OSBPL8: variants seen among roughly 807,000 people sequenced by gnomAD.
OSBPL8 encodes the protein oxysterol-binding protein-related protein 8.
In OSBPL8, 59 loss-of-function variants were observed where a neutral mutation model predicts 125.5. That is an observed-to-expected ratio of 0.47 (90% CI 0.38 to 0.58). The LOEUF is 0.58. OSBPL8 is among the 20% of genes least tolerant of loss of function. OSBPL8 has a pLI of 0.00. For missense variants in OSBPL8, 758 were observed against 1,047.8 expected (o/e 0.72, Z 3.82); for synonymous variants, 330 against 338.9 (o/e 0.97, Z 0.29).
chr12:76,506,693 A>G (rs1033292453), intron 1 of OSBPL8, among the ~76,000 whole-genome samples: 1 of 152,240 alleles, frequency 6.6e-6, no homozygotes, highest in Non-Finnish European at 1.5e-5. Flanking sequence ...TAAATGCCCT[A>G]AATTCCACAC....
intron 4 of OSBPL8, among the ~76,000 whole-genome samples, chr12:76,440,226 G>A (rs1431835921): frequency 6.6e-6 from 1 of 152,018 alleles, no homozygotes; most frequent in East Asian, 1.9e-4. Flanking sequence ...TCCAACTGAT[G>A]CAGACTTTAT....
intron 4 of OSBPL8, among the ~76,000 whole-genome samples, chr12:76,436,803 G>A (rs1871514444): frequency 6.6e-6 from 1 of 151,992 alleles, no homozygotes; most frequent in Non-Finnish European, 1.5e-5. Flanking sequence ...TATAACACAT[G>A]TGTATTATAA....
At chr12:76,558,266 G>C (rs1951169462) in intron 1 of OSBPL8, among the ~76,000 whole-genome samples, 1 of 152,106 alleles carries the variant, frequency 6.6e-6, no homozygotes, top group Non-Finnish European at 1.5e-5. Context: ...CTGCAAAACA[G>C]GTTCTAGCAA....
At chr12:76,473,486 A>G (rs1274349323) in intron 2 of OSBPL8, among the ~76,000 whole-genome samples, 2 of 152,128 alleles carry the variant, frequency 1.3e-5, no homozygotes, top group African/African-American at 4.8e-5. Context: ...TTAGATGCAC[A>G]TTGAAATCAA....
intron 2 of OSBPL8, among the ~76,000 whole-genome samples, chr12:76,473,094 G>A (rs527483332): frequency 1.7e-4 from 26 of 152,252 alleles, no homozygotes; most frequent in African/African-American, 6.0e-4. Flanking sequence ...GGGCATAACA[G>A]AAGGCTCACA....
chr12:76,388,304 T>C (rs1953404658), intron 12 of OSBPL8, among the ~76,000 whole-genome samples: 1 of 152,234 alleles, frequency 6.6e-6, no homozygotes, highest in African/African-American at 2.4e-5. Context: ...GATGAATGCA[T>C]CTATACTTTT....
chr12:76,502,390 G>A (rs928350320), intron 1 of OSBPL8, among the ~76,000 whole-genome samples: 4 of 152,146 alleles, frequency 2.6e-5, no homozygotes, highest in Non-Finnish European at 5.9e-5. Flanking sequence ...CACTGAACTC[G>A]AAGTTAAGAC....
chr12:76,410,666 T>C, intron 4 of OSBPL8, 32 bp from the exon 5 acceptor site: 1 of 1,414,886 alleles, frequency 7.1e-7, no homozygotes, highest in Non-Finnish European at 1.0e-6. Context: ...TCAGTATTAC[T>C]ACTTTTGAAC....
rs563940012 is a variant in OSBPL8, at chr12:76,549,224, TG to T, written c.-68+10172del. ...TTATTAAAGACAGAGAAGAGTTTCCTGGAATTGGAAAAATAATCTGATTCAG... is the reference window on the plus strand; with the variant it reads ...TTATTAAAGACAGAGAAGAGTTTCCTGAATTGGAAAAATAATCTGATTCAG... On this transcript the variant is annotated intron_variant, in intron 1 of 23. Transcript: ENST00000261183. 1.2e-4 allele frequency among the ~76,000 whole-genome samples: 18 copies of T among 152,276 alleles called. No homozygotes were observed. The East Asian group carries it at 2.9e-3, about 25-fold the overall frequency.
intron 4 of OSBPL8, chr12:76,422,777 C>T (rs769993513): frequency 1.6e-5 from 5 of 320,686 alleles, no homozygotes; most frequent in Admixed American, 3.5e-5. Context: ...AGAACACACA[C>T]ATTTAACAGC....
chr12:76,496,570 C>T (rs1410412058), intron 1 of OSBPL8, among the ~76,000 whole-genome samples: 5 of 151,126 alleles, frequency 3.3e-5, no homozygotes, highest in East Asian at 1.9e-4. Context: ...GACAGAGTTT[C>T]GCTCTTGTTG....
At chr12:76,446,120 G>T (rs34608800) in intron 4 of OSBPL8, among the ~76,000 whole-genome samples, 31,072 of 152,042 alleles carry the variant, frequency 0.2, 3,417 homozygotes, top group Non-Finnish European at 0.26. Flanking sequence ...CATGAGCTAA[G>T]GCATATAAAA....
chr12:76,454,691 T>C (rs1873807371), intron 3 of OSBPL8, among the ~76,000 whole-genome samples: 1 of 147,068 alleles, frequency 6.8e-6, no homozygotes, highest in Non-Finnish European at 1.5e-5. Context: ...TGCACCCTAG[T>C]GTGGGCAACA....
At chr12:76,394,549 T>C in intron 9 of OSBPL8, 96 bp downstream of exon 9, 1 of 835,448 alleles carries the variant, frequency 1.2e-6, no homozygotes, top group Non-Finnish European at 1.9e-6. Context: ...GCAAATGCCA[T>C]ACTAAAAATA....
intron 2 of OSBPL8, among the ~76,000 whole-genome samples, chr12:76,476,850 A>G (rs996340332): frequency 2.0e-5 from 3 of 152,152 alleles, no homozygotes; most frequent in Admixed American, 6.6e-5. Flanking sequence ...AGAAAAAGGG[A>G]AAAAAACCTA....
At chr12:76,513,386 G>A (rs750735758) in intron 1 of OSBPL8, among the ~76,000 whole-genome samples, 3 of 152,214 alleles carry the variant, frequency 2.0e-5, no homozygotes, top group African/African-American at 4.8e-5. Flanking sequence ...GTGGAGATAA[G>A]AAGAATGTAT....
intron 1 of OSBPL8, among the ~76,000 whole-genome samples, chr12:76,508,743 T>A (rs541346905): frequency 1.8e-4 from 27 of 152,274 alleles, no homozygotes; most frequent in African/African-American, 6.5e-4. Flanking sequence ...CTAAAGATAC[T>A]CTCACCAGCG....
intron 16 of OSBPL8, among the ~76,000 whole-genome samples, chr12:76,377,131 T>A (rs1424042455): frequency 6.6e-6 from 1 of 152,224 alleles, no homozygotes; most frequent in African/African-American, 2.4e-5. Context: ...CTGCATAGTG[T>A]TCCATGGTGT....
chr12:76,361,268 T>C (rs1335468007), intron 21 of OSBPL8, among the ~76,000 whole-genome samples: 1 of 152,202 alleles, frequency 6.6e-6, no homozygotes, highest in Non-Finnish European at 1.5e-5. Context: ...AGGGACAAAA[T>C]GCCACCAGCC....
Sources: gnomAD v4.1 joint callset for allele counts (sites outside exome capture counted in the v4.1 genomes callset) on GRCh38, gnomAD v4.1.1 for gene constraint, MANE v1.5 for transcripts, NCBI Gene and HGNC (gene_info 2026-07-23, HGNC 2026-07-21) for gene names.